The following RPRD2 variants were observed in gnomAD, a reference collection of about 807,000 sequenced individuals.
RPRD2 encodes the protein regulation of nuclear pre-mRNA domain-containing protein 2.
Under a neutral mutation model 104.4 loss-of-function variants are expected in RPRD2, and 12 were observed. That is an observed-to-expected ratio of 0.11 (90% CI 0.07 to 0.19). RPRD2 has a LOEUF of 0.19. Ranked by LOEUF, RPRD2 falls within the 10% of genes least tolerant of loss-of-function variation. The pLI, the probability that RPRD2 is intolerant of heterozygous loss-of-function variation, is 1.00. For missense variants in RPRD2, 1,543 were observed against 1,790.1 expected, an observed-to-expected ratio of 0.86 and a Z score of 2.49; for synonymous variants, 714 against 684.9, an observed-to-expected ratio of 1.04 and a Z score of -0.66.
intron 1 of RPRD2, 93 bp from the exon 2 acceptor site, chr1:150,417,503 C>A: frequency 5.0e-6 from 5 of 1,009,410 alleles, no homozygotes; most frequent in African/African-American, 3.3e-5. Flanking sequence ...AAAAAATAAC[C>A]AGTTACAGTT....
intron 1 of RPRD2, among the ~76,000 whole-genome samples, chr1:150,400,923 T>C (rs1662940033): frequency 6.6e-6 from 1 of 151,982 alleles, no homozygotes; most frequent in African/African-American, 2.4e-5. Context: ...TCACGCTGGC[T>C]CCCAGCACTT....
intron 1 of RPRD2, among the ~76,000 whole-genome samples, chr1:150,398,692 C>T (rs1371912962): frequency 6.6e-6 from 1 of 151,626 alleles, no homozygotes; most frequent in Non-Finnish European, 1.5e-5. Context: ...TACAGGTGCG[C>T]ACCACCATGC....
In RPRD2 at chr1:150,472,232, A is replaced by G; in HGVS notation, c.3284A>G (p.Asn1095Ser). The G allele has an allele frequency of 5.6e-6, 9 of 1,613,932 alleles. No individual in the cohort carries two copies. Among genetic ancestry groups the G allele is most frequent in the East Asian group, 4.5e-5 (2 of 44,864 alleles). Residue 1095 changes from asparagine to serine, a missense_variant, in exon 11 of 11, where the codon AAT (asparagine) becomes AGT (serine). Physicochemically the swap from Asn to Ser is conservative, Grantham distance 46. Coordinates refer to ENST00000369068, the MANE Select transcript of RPRD2 (RefSeq NM_015203.5). ...IETLGYHSASNRRMSGEPIQT... is the reference protein window; with the variant it reads ...IETLGYHSASSRRMSGEPIQT... ...ACCTTGGGTTATCACAGTGCATCCA[A>G]TAGGAGGATGTCAGGGGAGCCGATC...
chr1:150,396,979 T>TCAAA (rs1662579871), intron 1 of RPRD2, among the ~76,000 whole-genome samples: 1 of 152,138 alleles, frequency 6.6e-6, no homozygotes, highest in South Asian at 2.1e-4. Flanking sequence ...TTTCTTTCTT[T>TCAAA]ATTTTTATTT....
At chr1:150,428,543 T>G (rs1379826273) in intron 2 of RPRD2, among the ~76,000 whole-genome samples, 1 of 151,984 alleles carries the variant, frequency 6.6e-6, no homozygotes, top group Non-Finnish European at 1.5e-5. Context: ...TGCCTCTCTC[T>G]TGAGGTGATC....
At chr1:150,450,295 C>T (rs1553896309) in intron 7 of RPRD2, among the ~76,000 whole-genome samples, 1 of 152,020 alleles carries the variant, frequency 6.6e-6, no homozygotes, top group East Asian at 1.9e-4. Flanking sequence ...TCTACATAAC[C>T]ATCAGGTGTA....
chr1:150,416,553 G>T (rs56321241), intron 1 of RPRD2, among the ~76,000 whole-genome samples: 33,705 of 151,858 alleles, frequency 0.22, 4,255 homozygotes, highest in African/African-American at 0.32. Context: ...GTACATTGAT[G>T]GGGCTTTGTC....
At chr1:150,408,724 A>C (rs1381507591) in intron 1 of RPRD2, among the ~76,000 whole-genome samples, 2 of 152,224 alleles carry the variant, frequency 1.3e-5, no homozygotes, top group African/African-American at 4.8e-5. Flanking sequence ...TTATCCACGT[A>C]ATATGGATGC....
At chr1:150,449,765 A>G (rs1667030466) in intron 7 of RPRD2, among the ~76,000 whole-genome samples, 2 of 152,196 alleles carry the variant, frequency 1.3e-5, no homozygotes, top group Non-Finnish European at 2.9e-5. Flanking sequence ...GGGTGCAGAG[A>G]TAGATAATTC....
chr1:150,447,845 G>A (rs587727867), intron 7 of RPRD2, among the ~76,000 whole-genome samples: 1 of 152,010 alleles, frequency 6.6e-6, no homozygotes, highest in Admixed American at 6.5e-5. Context: ...TTTTTTTCTG[G>A]CATTTGCTCC....
intron 2 of RPRD2, among the ~76,000 whole-genome samples, chr1:150,419,863 G>A (rs1203552142): frequency 6.6e-6 from 1 of 152,150 alleles, no homozygotes; most frequent in Non-Finnish European, 1.5e-5. Context: ...CCTGACCTCA[G>A]GTGATCCGCC....
At chr1:150,394,011 G>A (rs1181210967) in intron 1 of RPRD2, among the ~76,000 whole-genome samples, 3 of 152,086 alleles carry the variant, frequency 2.0e-5, no homozygotes, top group Admixed American at 2.0e-4. Context: ...ATCGGCTGGT[G>A]TTGCTGAATT....
intron 1 of RPRD2, among the ~76,000 whole-genome samples, chr1:150,387,569 T>C (rs1481658592): frequency 4.2e-5 from 1 of 24,074 alleles, no homozygotes; most frequent in African/African-American, 1.7e-4. Context: ...CAACAGACCT[T>C]TTTTTTTTTT....
Position 150,408,582 on chromosome 1 carries a change from A to C in RPRD2, c.206-9014A>C, listed in dbSNP as rs587735596. Among the ~76,000 whole-genome samples, 16 of 152,306 alleles carry C rather than the reference A, an allele frequency of 1.1e-4. No homozygotes were observed. In the East Asian group the frequency reaches 3.1e-3, roughly 29 times the overall value. Reference sequence around the variant, plus strand: ...ATTTACAGACATGTACTTATCATCCATATAATATGGATGTACCTTTACATA... The same window carrying C: ...ATTTACAGACATGTACTTATCATCCCTATAATATGGATGTACCTTTACATA... On this transcript the variant is annotated intron_variant, in intron 1 of 10. Transcript: ENST00000369068.
chr1:150,415,257 G>A (rs11588185), intron 1 of RPRD2, among the ~76,000 whole-genome samples: 33,613 of 151,810 alleles, frequency 0.22, 4,207 homozygotes, highest in African/African-American at 0.32. Flanking sequence ...GCTTGAACCC[G>A]TGAGGCGGAG....
chr1:150,439,146 A>G (rs1374000267), intron 2 of RPRD2, among the ~76,000 whole-genome samples: 5 of 152,192 alleles, frequency 3.3e-5, no homozygotes, highest in Non-Finnish European at 1.5e-5. Context: ...TCTAAACATT[A>G]TAGAACACAG....
chr1:150,398,754 G>T (rs1200537926), intron 1 of RPRD2, among the ~76,000 whole-genome samples: 5 of 151,894 alleles, frequency 3.3e-5, no homozygotes, highest in African/African-American at 1.2e-4. Context: ...TGTCGGCCAG[G>T]CTGGTCTCGA....
In RPRD2 at chr1:150,472,766, C is replaced by G. The variant is rs1668677305; in HGVS notation, c.3818C>G (p.Pro1273Arg). 1 of 1,610,720 alleles carries G rather than the reference C, an allele frequency of 6.2e-7. No homozygotes were observed. Residue 1273 changes from proline (P) to arginine (R), a missense_variant, in exon 11 of 11, where the codon CCT (proline) becomes CGT (arginine). Transcript: ENST00000369068. Reference protein sequence around the residue: ...SGIPFPTPPPPPPPGEHSSSG... With the variant: ...SGIPFPTPPPRPPPGEHSSSG... Reference sequence around the variant, plus strand: ...ATTCCTTTCCCTACCCCACCTCCTCCTCCCCCTCCTGGGGAACATAGCAGC... The same window carrying G: ...ATTCCTTTCCCTACCCCACCTCCTCGTCCCCCTCCTGGGGAACATAGCAGC...
At chr1:150,417,268 T>A (rs1664416786) in intron 1 of RPRD2, among the ~76,000 whole-genome samples, 1 of 152,150 alleles carries the variant, frequency 6.6e-6, no homozygotes, top group South Asian at 2.1e-4. Flanking sequence ...GCCAAACATC[T>A]ACAAAGTGAG....
Sources: gnomAD v4.1 joint callset for allele counts (sites outside exome capture counted in the v4.1 genomes callset) on GRCh38, gnomAD v4.1.1 for gene constraint, MANE v1.5 for transcripts, NCBI Gene and HGNC (gene_info 2026-07-23, HGNC 2026-07-21) for gene names.